RPGRIP1: variants seen among roughly 807,000 people sequenced by gnomAD.
The protein encoded by RPGRIP1 is X-linked retinitis pigmentosa GTPase regulator-interacting protein 1.
RPGRIP1 carries 128 observed loss-of-function variants against 157.9 expected under a neutral mutation model. That is an observed-to-expected ratio of 0.81 (90% CI 0.70 to 0.94). The LOEUF is 0.94. Among genes scored for constraint, RPGRIP1 ranks in the 40% least tolerant of loss-of-function variants. RPGRIP1 has a pLI of 0.00. For synonymous variants in RPGRIP1, 554 were observed against 571.6 expected, an observed-to-expected ratio of 0.97 and a Z score of 0.44; for missense variants, 1,486 against 1,545.8, an observed-to-expected ratio of 0.96 and a Z score of 0.65.
chr14:21,306,112 C>CTTTTTTTTT (rs539083010), intron 6 of RPGRIP1, among the ~76,000 whole-genome samples: 1 of 44,790 alleles, frequency 2.2e-5, no homozygotes, highest in African/African-American at 8.9e-5. Context: ...GAATAATAGT[C>CTTTTTTTTT]TTTTTTTTTT....
At chr14:21,308,335 G>T (rs990122207) in intron 7 of RPGRIP1, among the ~76,000 whole-genome samples, 1 of 152,198 alleles carries the variant, frequency 6.6e-6, no homozygotes, top group African/African-American at 2.4e-5. Context: ...TGGAAATAGA[G>T]TATCAAGGGT....
rs199593721 is a variant in RPGRIP1 at position 21,325,301 on chromosome 14, T to A, written c.2285T>A (p.Leu762Gln). The change falls in exon 16 of 25, where the codon CTA becomes CAA. Residue 762 changes from leucine (L) to glutamine (Q), a missense_variant. Physicochemically the swap from Leu to Gln is moderately radical, Grantham distance 113. Coordinates refer to ENST00000400017, the MANE Select transcript of RPGRIP1 (RefSeq NM_020366.4). ...CTGCGTTTCCCCATAAAACCCAGCC[T>A]ACAGGCGTGCAATAAACGAAAGAAA... ...MRLRFPIKPS[L>Q]QACNKRKKAQ... 1.2e-6 allele frequency: 2 copies of A among 1,612,326 alleles called. No homozygotes were observed. The highest frequency in any genetic ancestry group is 1.7e-6 in the Non-Finnish European group (2 of 1,179,214).
At chr14:21,304,412 AAAGAAAG>A (rs1341365944) in intron 6 of RPGRIP1, among the ~76,000 whole-genome samples, 8 of 150,956 alleles carry the variant, frequency 5.3e-5, no homozygotes, top group African/African-American at 1.2e-4. Context: ...AGAAAGAAAG[AAAGAAAG>A]AAAGAAAGAA....
intron 6 of RPGRIP1, among the ~76,000 whole-genome samples, chr14:21,305,004 A>G (rs2874061): frequency 0.56 from 84,330 of 151,782 alleles, 23,468 homozygotes; most frequent in South Asian, 0.69. Flanking sequence ...GGGTTTCACC[A>G]TGTTAGCCAG....
At chr14:21,336,448 T>C (rs1273501421) in intron 21 of RPGRIP1, among the ~76,000 whole-genome samples, 1 of 152,180 alleles carries the variant, frequency 6.6e-6, no homozygotes, top group Non-Finnish European at 1.5e-5. Flanking sequence ...GGTGAGAGGA[T>C]TGCTTGAGCC....
intron 12 of RPGRIP1, among the ~76,000 whole-genome samples, chr14:21,320,938 G>A (rs186575789): frequency 7.9e-5 from 12 of 152,274 alleles, no homozygotes; most frequent in African/African-American, 2.6e-4. Context: ...AAGGCAGAGC[G>A]TAGAGAACTT....
chr14:21,316,443 A>G (rs572610705), intron 10 of RPGRIP1, among the ~76,000 whole-genome samples: 206 of 151,712 alleles, frequency 1.4e-3, no homozygotes, highest in Non-Finnish European at 2.5e-3. Flanking sequence ...TTGAGACGGA[A>G]TCTCACACTG....
intron 15 of RPGRIP1, 47 bp from the exon 16 acceptor site, chr14:21,325,185 G>A (rs1272404079): frequency 2.6e-6 from 4 of 1,561,776 alleles, no homozygotes; most frequent in Non-Finnish European, 3.5e-6. Flanking sequence ...CTTGATCCTT[G>A]CCACACCATC....
chr14:21,285,014 G>A (rs559765601), intron 1 of RPGRIP1, among the ~76,000 whole-genome samples: 1 of 152,132 alleles, frequency 6.6e-6, no homozygotes. Context: ...CCTGCTATGT[G>A]CCAATAACTG....
intron 1 of RPGRIP1, among the ~76,000 whole-genome samples, chr14:21,281,708 AATAATAATAAT>A (rs1566663259): frequency 7.3e-6 from 1 of 137,782 alleles, no homozygotes; most frequent in African/African-American, 2.9e-5. Context: ...AAAAATAAAT[AATAATAATAAT>A]AATAATAATA....
rs542823657 is a variant in RPGRIP1, at chr14:21,325,442, C to T, written c.2367+59C>T. On this transcript the variant is annotated intron_variant, in intron 16 of 24. Transcript: ENST00000400017. ...GAGCCTCAGCCAAACAGCTCATGAG[C>T]ACAGTTCAGTCTTCCACTCTCAATA... 9 of 1,478,908 alleles carry T rather than the reference C, an allele frequency of 6.1e-6. No homozygotes were observed. The South Asian group carries it at 1.1e-4, about 18-fold the overall frequency. The allele number at this position is 1,478,908 out of a possible 1,614,324, so 91.6% of individuals were successfully genotyped here. A position where few individuals can be genotyped will look rare whatever the true frequency, so the allele number is the denominator to read the frequency against.
intron 14 of RPGRIP1, among the ~76,000 whole-genome samples, chr14:21,322,424 G>T (rs1290219149): frequency 6.6e-6 from 1 of 152,188 alleles, no homozygotes; most frequent in South Asian, 2.1e-4. Flanking sequence ...CTCCCAAAGT[G>T]ATGGGATTAC....
chr14:21,351,114 T>C lies in RPGRIP1; in HGVS notation c.3759T>C (p.Pro1253=), dbSNP rs1422067671. Residue 1253 remains proline (P), a synonymous_variant, in exon 25 of 25, where the codon CCT becomes CCC. Coordinates refer to ENST00000400017, the MANE Select transcript of RPGRIP1 (RefSeq NM_020366.4). ...TCCCTTTCCCAACAGTTGTTAGCCC[T>C]GAAGATCTGGCTACCCCAATAGGAA... ...ILEQELDIVS[P]EDLATPIGRL... is the part of the protein sequence containing the mutation. 1.9e-6 allele frequency: 3 copies of C among 1,606,508 alleles called. No individual in the cohort carries two copies. The highest frequency in any genetic ancestry group is 1.7e-4 in the Middle Eastern group (1 of 6,042).
intron 15 of RPGRIP1, 30 bp downstream of exon 15, chr14:21,325,100 A>G (rs2139230360): frequency 6.3e-7 from 1 of 1,576,772 alleles, no homozygotes; most frequent in East Asian, 2.2e-5. Flanking sequence ...TGCGGCTCCT[A>G]AGCACCAATG....
chr14:21,317,824 T>A lies in RPGRIP1; in HGVS notation c.1280T>A (p.Val427Asp). ...GCTGAGCTGGAGGACAAGAGAAAAG[T>A]TTTACTTGAGCTGTCCAGGGAGAAA... is the stretch of plus-strand genomic sequence containing the variant. ...LDAELEDKRK[V>D]LLELSREKAQ... The change falls in exon 11 of 25, where the codon GTT (valine) becomes GAT (aspartate). Residue 427 changes from valine (V) to aspartate (D), a missense_variant. By Grantham distance (152) the Val-to-Asp change is radical (BLOSUM62 -3). Coordinates refer to ENST00000400017, the MANE Select transcript of RPGRIP1 (RefSeq NM_020366.4). 6.2e-7 allele frequency: 1 copy of A among 1,606,508 alleles called. No homozygotes were observed. The highest frequency in any genetic ancestry group is 8.5e-7 in the Non-Finnish European group (1 of 1,176,558).
intron 19 of RPGRIP1, 23 bp from the exon 20 acceptor site, chr14:21,330,226 G>A: frequency 2.6e-6 from 4 of 1,523,550 alleles, no homozygotes; most frequent in Non-Finnish European, 3.5e-6. Context: ...CAGCTATGTA[G>A]TATTGTTGTT....
chr14:21,336,791 A>C (rs942817369), intron 21 of RPGRIP1, among the ~76,000 whole-genome samples: 8 of 152,140 alleles, frequency 5.3e-5, no homozygotes, highest in Non-Finnish European at 8.8e-5. Flanking sequence ...TCAAGTAACC[A>C]AAAAAAGCAG....
In RPGRIP1 at chr14:21,321,865, G is replaced by A. The variant is rs1303176340; in HGVS notation, c.1623G>A (p.Glu541=). 4 of 1,612,432 alleles carry A rather than the reference G, an allele frequency of 2.5e-6. 1 individual carries two copies. In the South Asian group the frequency reaches 3.3e-5, roughly 13 times the overall value. ...KINVCYQEEL[E]AMMTKADNDN... is the part of the protein sequence containing the mutation. ...TTATTTTGTTTCAGGAGGAACTGGA[G>A]GCAATGATGACAAAAGCTGACAATG... is the stretch of plus-strand genomic sequence containing the variant. The change falls in exon 14 of 25, where the codon GAG becomes GAA. Residue 541 remains glutamate (E), a synonymous_variant. Coordinates refer to ENST00000400017, the MANE Select transcript of RPGRIP1 (RefSeq NM_020366.4).
chr14:21,309,736 G>T (rs1286371273), intron 7 of RPGRIP1, among the ~76,000 whole-genome samples: 1 of 152,012 alleles, frequency 6.6e-6, no homozygotes, highest in Non-Finnish European at 1.5e-5. Flanking sequence ...CCTACAAACA[G>T]CAGAGAGCTA....
Sources: gnomAD v4.1 joint callset for allele counts (sites outside exome capture counted in the v4.1 genomes callset) on GRCh38, gnomAD v4.1.1 for gene constraint, MANE v1.5 for transcripts, NCBI Gene and HGNC (gene_info 2026-07-23, HGNC 2026-07-21) for gene names.